The following ROBO2 variants were observed in gnomAD, a reference collection of about 807,000 sequenced individuals.
The protein encoded by ROBO2 is roundabout guidance receptor 2, also known as roundabout homolog 2.
Under a neutral mutation model 160.8 loss-of-function variants are expected in ROBO2, and 53 were observed. The ratio of observed to expected loss-of-function variants is 0.33; its 90% CI spans 0.26 to 0.41. The LOEUF (loss-of-function observed/expected upper bound fraction) is 0.41, where lower values mean the gene tolerates loss of function less well. Among genes scored for constraint, ROBO2 ranks in the 10% least tolerant of loss-of-function variants. The pLI, the probability that ROBO2 is intolerant of heterozygous loss-of-function variation, is 1.00. For missense variants in ROBO2, 1,577 were observed against 1,722.4 expected, an observed-to-expected ratio of 0.92 and a Z score of 1.49; for synonymous variants, 664 against 611.7, an observed-to-expected ratio of 1.09 and a Z score of -1.26.
intron 2 of ROBO2, among the ~76,000 whole-genome samples, chr3:76,023,276 C>T (rs975561265): frequency 6.6e-6 from 1 of 151,690 alleles, no homozygotes; most frequent in African/African-American, 2.4e-5. Flanking sequence ...CCTTCAAGAA[C>T]TTTTCCCTTG....
At chr3:76,930,525 C>T (rs1041500012) in intron 2 of ROBO2, among the ~76,000 whole-genome samples, 13 of 152,158 alleles carry the variant, frequency 8.5e-5, no homozygotes, top group African/African-American at 2.9e-4. Context: ...TTACAGTCTG[C>T]ATTAGGCAGG....
intron 5 of ROBO2, among the ~76,000 whole-genome samples, chr3:77,518,476 C>T (rs1329129022): frequency 6.6e-6 from 1 of 151,444 alleles, no homozygotes; most frequent in African/African-American, 2.4e-5. Flanking sequence ...TTTTAAATTA[C>T]AACATCCCAA....
At chr3:77,109,396 A>G (rs1470651539) in intron 2 of ROBO2, among the ~76,000 whole-genome samples, 5 of 152,174 alleles carry the variant, frequency 3.3e-5, no homozygotes, top group Admixed American at 3.3e-4. Flanking sequence ...CAATTAAAAC[A>G]TGAAAATATT....
intron 2 of ROBO2, among the ~76,000 whole-genome samples, chr3:75,953,465 A>G (rs144782952): frequency 0.059 from 8,950 of 151,960 alleles, 380 homozygotes; most frequent in Non-Finnish European, 0.088. Context: ...TATACTTTAA[A>G]TACCACTAAT....
At chr3:76,521,925 TG>T (rs2081641754) in intron 2 of ROBO2, among the ~76,000 whole-genome samples, 1 of 152,216 alleles carries the variant, frequency 6.6e-6, no homozygotes, top group Non-Finnish European at 1.5e-5. Flanking sequence ...TATTTCACTC[TG>T]ACTATATGTG....
intron 2 of ROBO2, among the ~76,000 whole-genome samples, chr3:76,437,042 T>A (rs1389516530): frequency 2.0e-5 from 3 of 152,222 alleles, no homozygotes; most frequent in Admixed American, 1.3e-4. Context: ...AGCTCAAAAC[T>A]GAATTTGTGT....
At chr3:77,461,985 C>T (rs2082294157) in intron 2 of ROBO2, among the ~76,000 whole-genome samples, 2 of 152,194 alleles carry the variant, frequency 1.3e-5, no homozygotes, top group East Asian at 1.9e-4. Flanking sequence ...CTCGGCCTCT[C>T]AAAGTGCTGG....
chr3:77,143,693 G>A (rs1260486676), intron 2 of ROBO2, among the ~76,000 whole-genome samples: 1 of 152,106 alleles, frequency 6.6e-6, no homozygotes, highest in Admixed American at 6.5e-5. Context: ...AAAATATAGA[G>A]TCGAGAGTAT....
At chr3:76,791,668 C>T (rs2063361315) in intron 2 of ROBO2, among the ~76,000 whole-genome samples, 1 of 151,702 alleles carries the variant, frequency 6.6e-6, no homozygotes, top group African/African-American at 2.4e-5. Context: ...CTTAGCTGAA[C>T]CAACCAACTA....
intron 2 of ROBO2, among the ~76,000 whole-genome samples, chr3:76,965,764 A>G (rs1297648081): frequency 1.6e-5 from 2 of 123,478 alleles, no homozygotes; most frequent in Non-Finnish European, 3.2e-5. Context: ...TAGTTGCTAT[A>G]CCATTATTTA....
chr3:77,601,268 G>C (rs911530886), intron 19 of ROBO2, among the ~76,000 whole-genome samples: 1 of 152,062 alleles, frequency 6.6e-6, no homozygotes, highest in Non-Finnish European at 1.5e-5. Flanking sequence ...TCAGAAGATA[G>C]CTTATTTTAA....
chr3:76,960,447 A>G (rs2149229124), intron 2 of ROBO2, among the ~76,000 whole-genome samples: 1 of 146,372 alleles, frequency 6.8e-6, no homozygotes, highest in African/African-American at 2.4e-5. Flanking sequence ...ATATATCTGT[A>G]TCTATATATA....
chr3:77,514,653 T>C (rs1180088657), intron 5 of ROBO2, among the ~76,000 whole-genome samples: 2 of 151,902 alleles, frequency 1.3e-5, no homozygotes. Flanking sequence ...AGCCCTGTTG[T>C]ACACTATAAA....
At chr3:76,996,040 G>A (rs1350739278) in intron 2 of ROBO2, among the ~76,000 whole-genome samples, 33 of 152,146 alleles carry the variant, frequency 2.2e-4, no homozygotes, top group Non-Finnish European at 1.0e-4. Flanking sequence ...CCTATGTCCT[G>A]AATGGTATTG....
chr3:77,045,967 G>A (rs1423518514), intron 1 of ROBO2, among the ~76,000 whole-genome samples: 1 of 152,086 alleles, frequency 6.6e-6, no homozygotes, highest in East Asian at 1.9e-4. Flanking sequence ...CTTTTTTATT[G>A]CCAAACAATA....
intron 2 of ROBO2, among the ~76,000 whole-genome samples, chr3:76,972,725 G>T (rs1359114011): frequency 6.6e-6 from 1 of 151,984 alleles, no homozygotes; most frequent in Non-Finnish European, 1.5e-5. Context: ...CAAGCCTATT[G>T]GTGCACACCT....
intron 24 of ROBO2, among the ~76,000 whole-genome samples, chr3:77,644,503 G>A (rs1291656420): frequency 6.6e-6 from 1 of 151,958 alleles, no homozygotes; most frequent in Non-Finnish European, 1.5e-5. Context: ...ATTTAATTCT[G>A]CTTTGGTTCC....
intron 2 of ROBO2, among the ~76,000 whole-genome samples, chr3:75,975,530 C>T (rs2065113285): frequency 6.6e-6 from 1 of 151,224 alleles, no homozygotes; most frequent in African/African-American, 2.4e-5. Flanking sequence ...ATTAGCATTT[C>T]TCAAGTTTTC....
At chr3:76,714,995 T>G (rs2093356648) in intron 2 of ROBO2, among the ~76,000 whole-genome samples, 1 of 152,180 alleles carries the variant, frequency 6.6e-6, no homozygotes, top group African/African-American at 2.4e-5. Context: ...TTCTTTCATT[T>G]TGATACCAGC....
Sources: allele counts gnomAD v4.1 joint callset (sites outside exome capture counted in the v4.1 genomes callset), GRCh38; gene constraint gnomAD v4.1.1; transcripts MANE v1.5; gene names NCBI Gene and HGNC (gene_info 2026-07-23, HGNC 2026-07-21).